The following SYNE2 variants were observed in gnomAD, a reference collection of about 807,000 sequenced individuals.
The protein encoded by SYNE2 is spectrin repeat containing nuclear envelope protein 2, also known as nesprin-2.
Under a neutral mutation model 856.3 loss-of-function variants are expected in SYNE2, and 431 were observed. The observed-to-expected ratio is 0.50, with a 90% confidence interval of 0.47 to 0.55. The LOEUF (loss-of-function observed/expected upper bound fraction) is 0.55, where lower values mean the gene tolerates loss of function less well. Ranked by LOEUF, SYNE2 falls within the 20% of genes least tolerant of loss-of-function variation. SYNE2 has a pLI of 0.00. For missense variants in SYNE2, 8,129 were observed against 8,023.2 expected (o/e 1.01, Z -0.50); for synonymous variants, 2,923 against 2,872.3 (o/e 1.02, Z -0.56).
intron 32 of SYNE2, among the ~76,000 whole-genome samples, chr14:64,015,047 A>T (rs1237869248): frequency 6.9e-6 from 1 of 144,700 alleles, no homozygotes; most frequent in Non-Finnish European, 1.5e-5. Flanking sequence ...GTATATATGT[A>T]TATATATAAA....
At chr14:64,160,864 G>A (rs11846931) in intron 87 of SYNE2, among the ~76,000 whole-genome samples, 2,549 of 151,946 alleles carry the variant, frequency 0.017, 76 homozygotes, top group African/African-American at 0.058. Flanking sequence ...AACTGTATCT[G>A]AGCATTATCA....
chr14:63,899,265 G>A (rs974451161), intron 1 of SYNE2, among the ~76,000 whole-genome samples: 5 of 151,768 alleles, frequency 3.3e-5, no homozygotes, highest in African/African-American at 9.7e-5. Flanking sequence ...GCAGTGTCAC[G>A]ATCTCAGCTT....
chr14:63,812,622 G>T (rs1888656978), intron 1 of SYNE2, among the ~76,000 whole-genome samples: 1 of 152,148 alleles, frequency 6.6e-6, no homozygotes, highest in Admixed American at 6.6e-5. Context: ...TTCAGGGATT[G>T]CAGTAAAGAC....
In SYNE2 at chr14:64,175,166, A is replaced by G. The variant is rs776464840; in HGVS notation, c.17430+28A>G. 3.1e-6 allele frequency: 5 copies of G among 1,611,958 alleles called. No individual in the cohort carries two copies. In the Admixed American group the frequency reaches 6.7e-5, roughly 22 times the overall value. The stretch of plus-strand genomic sequence containing the variant: ...AAACTCACCACTTACTTTTCCATTC[A>G]TGATATTCAAATTCAGTACATAGAT... On this transcript the variant is annotated intron_variant, in intron 95 of 115. Coordinates refer to ENST00000555002, the MANE Select transcript of SYNE2 (RefSeq NM_182914.3).
chr14:63,944,278 T>TTATA (rs71123818), intron 6 of SYNE2, among the ~76,000 whole-genome samples: 31 of 144,048 alleles, frequency 2.2e-4, no homozygotes, highest in Middle Eastern at 3.7e-3. Context: ...TTCTGAATTT[T>TTATA]TATATATATA....
In SYNE2 at chr14:64,224,527, G is replaced by C. The variant is rs202235545; in HGVS notation, c.20449G>C (p.Val6817Leu). The C allele has an allele frequency of 6.2e-7, 1 of 1,614,064 alleles. No individual in the cohort carries two copies. Among genetic ancestry groups the C allele is most frequent in the South Asian group, 1.1e-5 (1 of 91,080 alleles). Residue 6817 changes from valine to leucine, a missense_variant, in exon 114 of 116, where the codon GTG becomes CTG. Val to Leu is a conservative substitution (Grantham distance 32). This residue lies in a region of SYNE2 where 5,410 missense variants were observed against 5,284.8 expected (regional missense o/e 1.02). Coordinates refer to ENST00000555002, the MANE Select transcript of SYNE2 (RefSeq NM_182914.3). ...DSGDQPPATS[V>L]PAPRAKFRAV... The stretch of plus-strand genomic sequence containing the variant: ...GGGGGACCAGCCTCCTGCAACATCC[G>C]TGCCAGCTCCCCGAGCAAAGGTAAG...
intron 6 of SYNE2, among the ~76,000 whole-genome samples, chr14:63,945,493 G>A (rs1176801856): frequency 7.9e-5 from 12 of 152,168 alleles, no homozygotes; most frequent in Non-Finnish European, 1.5e-5. Flanking sequence ...GCAAGTATCA[G>A]TAAGTCTTTC....
chr14:63,893,138 A>G (rs183583224), intron 1 of SYNE2, among the ~76,000 whole-genome samples: 36 of 152,258 alleles, frequency 2.4e-4, no homozygotes, highest in Admixed American at 1.4e-3. Flanking sequence ...GAAAACAACA[A>G]CAGACACCCA....
Position 64,087,669 on chromosome 14 carries a change from A to G in SYNE2, c.11485-2A>G. 6.2e-7 allele frequency: 1 copy of G among 1,614,020 alleles called. No individual in the cohort carries two copies. Among genetic ancestry groups the G allele is most frequent in the Non-Finnish European group, 8.5e-7 (1 of 1,179,926 alleles). On this transcript the variant is annotated splice_acceptor_variant, in intron 57 of 115. Coordinates refer to ENST00000555002, the MANE Select transcript of SYNE2 (RefSeq NM_182914.3). LOFTEE classifies it high-confidence loss of function. ...TATTTTTCCCATTCTGTGTTTATCT[A>G]GATGGCTTTGGAAGATTCAGAACAG... is the stretch of plus-strand genomic sequence containing the variant.
chr14:63,828,537 G>A (rs534556382), intron 1 of SYNE2, among the ~76,000 whole-genome samples: 2 of 152,162 alleles, frequency 1.3e-5, no homozygotes, highest in South Asian at 2.1e-4. Context: ...ACTTTGGGAG[G>A]CTGAGGTGGG....
chr14:64,105,625 T>G (rs2097766177), intron 64 of SYNE2, among the ~76,000 whole-genome samples: 1 of 152,230 alleles, frequency 6.6e-6, no homozygotes, highest in South Asian at 2.1e-4. Flanking sequence ...ATCCACATGC[T>G]TTCTGTCACG....
intron 64 of SYNE2, among the ~76,000 whole-genome samples, chr14:64,105,133 CA>C (rs1455109167): frequency 6.6e-6 from 1 of 152,190 alleles, no homozygotes; most frequent in Non-Finnish European, 1.5e-5. Flanking sequence ...TTATTTCAAG[CA>C]ATTCTTATTA....
intron 14 of SYNE2, among the ~76,000 whole-genome samples, chr14:63,979,356 C>A (rs1264634500): frequency 6.6e-6 from 1 of 152,102 alleles, no homozygotes; most frequent in Non-Finnish European, 1.5e-5. Context: ...TTTTCAGATT[C>A]ATAGTTTCAT....
chr14:63,865,912 A>G (rs2140271836), intron 1 of SYNE2, among the ~76,000 whole-genome samples: 1 of 152,240 alleles, frequency 6.6e-6, no homozygotes, highest in South Asian at 2.1e-4. Context: ...TCTTCTTGGA[A>G]GATAACACTT....
chr14:63,795,390 T>G (rs2139778600), intron 1 of SYNE2, among the ~76,000 whole-genome samples: 1 of 152,256 alleles, frequency 6.6e-6, no homozygotes, highest in Admixed American at 6.5e-5. Context: ...AGACTCCAGG[T>G]TCTTCAGTTT....
chr14:63,960,954 T>C (rs1414502512), intron 8 of SYNE2: 1 of 542,758 alleles, frequency 1.8e-6, no homozygotes, highest in African/African-American at 1.9e-5. Context: ...TACAAACTTA[T>C]TTCACCATGG....
intron 97 of SYNE2, 143 bp from the exon 98 acceptor site, chr14:64,188,407 A>C (rs1042323948): frequency 1.8e-5 from 15 of 815,904 alleles, no homozygotes; most frequent in Non-Finnish European, 1.0e-5. Context: ...GCTAAACCCT[A>C]GGTTTAGAAG....
intron 82 of SYNE2, 79 bp downstream of exon 82, chr14:64,142,167 A>T (rs1173069065): frequency 9.1e-6 from 14 of 1,535,280 alleles, no homozygotes; most frequent in Admixed American, 1.7e-5. Context: ...ACAAAGGGAC[A>T]CATAGGATAT....
intron 2 of SYNE2, among the ~76,000 whole-genome samples, chr14:63,921,626 C>CATT (rs1482324296): frequency 6.6e-6 from 1 of 152,030 alleles, no homozygotes; most frequent in Non-Finnish European, 1.5e-5. Flanking sequence ...AAGAAGTATC[C>CATT]ATTAGGTTCA....
Sources: gnomAD v4.1 joint callset for allele counts (sites outside exome capture counted in the v4.1 genomes callset) on GRCh38, gnomAD v4.1.1 for gene constraint, gnomAD v4.1.1 regional missense constraint, MANE v1.5 for transcripts, NCBI Gene and HGNC (gene_info 2026-07-23, HGNC 2026-07-21) for gene names.